The following ARHGAP39 variants were observed in gnomAD, a reference collection of about 807,000 sequenced individuals.
The protein encoded by ARHGAP39 is Rho GTPase activating protein 39.
In ARHGAP39, 44 loss-of-function variants were observed where a neutral mutation model predicts 106.9. The ratio of observed to expected loss-of-function variants is 0.41; its 90% CI spans 0.32 to 0.53. ARHGAP39 has a LOEUF of 0.53. Ranked by LOEUF, ARHGAP39 falls within the 20% of genes least tolerant of loss-of-function variation. The probability of loss-of-function intolerance (pLI) is 0.21; values close to 1 mark genes in which losing one functional copy is unlikely to be tolerated. For synonymous variants in ARHGAP39, 768 were observed against 693.2 expected (o/e 1.11, Z -1.69); for missense variants, 1,496 against 1,577.3 (o/e 0.95, Z 0.87).
At chr8:144,673,736 G>A (rs762134412) in intron 1 of ARHGAP39, among the ~76,000 whole-genome samples, 12 of 152,336 alleles carry the variant, frequency 7.9e-5, no homozygotes, top group Middle Eastern at 6.8e-3. Context: ...CACTCAGGCC[G>A]GCAGACTGCT....
rs758491514 is a variant in ARHGAP39 at position 144,603,181 on chromosome 8, CTG to C, written c.80+2352_80+2353del. On this transcript the variant is annotated intron_variant, in intron 2 of 11. Transcript: ENST00000377307. ...GAGGTGTGTGTGCGAGCTCATGTAC[CTG>C]TGTGTGTGCGTGGAGGCGTGTGTGT... 6.6e-4 allele frequency among the ~76,000 whole-genome samples: 66 copies of C among 100,374 alleles called. 1 individual carries two copies. The East Asian group carries it at 0.011, about 17-fold the overall frequency. 65.8% of individuals were successfully genotyped at this position (100,374 alleles called of 152,430 possible).
intron 3 of ARHGAP39, 116 bp from the exon 4 acceptor site, chr8:144,555,759 G>C: frequency 1.1e-6 from 1 of 875,550 alleles, no homozygotes; most frequent in Non-Finnish European, 1.9e-6. Flanking sequence ...AAATAACCTG[G>C]CTCCTGCCCC....
chr8:144,643,770 A>C (rs958987587), intron 1 of ARHGAP39, among the ~76,000 whole-genome samples: 1 of 152,214 alleles, frequency 6.6e-6, no homozygotes, highest in African/African-American at 2.4e-5. Flanking sequence ...TACTGGGATT[A>C]CATGCGTAAC....
chr8:144,686,542 G>A (rs1822594373), upstream of ARHGAP39, among the ~76,000 whole-genome samples: 1 of 152,112 alleles, frequency 6.6e-6, no homozygotes, highest in South Asian at 2.1e-4. Context: ...ACATTCCCTG[G>A]GTCCTCAACT....
chr8:144,549,461 C>G (rs903567824), intron 4 of ARHGAP39, among the ~76,000 whole-genome samples: 3 of 152,204 alleles, frequency 2.0e-5, no homozygotes, highest in African/African-American at 7.2e-5. Context: ...TTCTGGAAAT[C>G]TAATTGCAGT....
At chr8:144,619,408 G>A (rs1259882158) in intron 1 of ARHGAP39, among the ~76,000 whole-genome samples, 4 of 151,236 alleles carry the variant, frequency 2.6e-5, no homozygotes, top group Non-Finnish European at 5.9e-5. Context: ...GTGCGTGTGC[G>A]CCCGTGTGCG....
chr8:144,544,672 G>A (rs116363770), intron 6 of ARHGAP39, among the ~76,000 whole-genome samples: 1,597 of 152,322 alleles, frequency 0.01, 32 homozygotes, highest in African/African-American at 0.037. Context: ...GGCCTCCCAC[G>A]CTGCCCCAGG....
intron 1 of ARHGAP39, among the ~76,000 whole-genome samples, chr8:144,619,207 G>C (rs954276723): frequency 6.6e-6 from 1 of 152,240 alleles, no homozygotes; most frequent in Non-Finnish European, 1.5e-5. Context: ...GATGCTCTGT[G>C]CCAGCTCCAG....
intron 7 of ARHGAP39, 135 bp downstream of exon 7, chr8:144,537,586 G>T: frequency 1.3e-6 from 1 of 780,070 alleles, no homozygotes; most frequent in Non-Finnish European, 2.0e-6. Flanking sequence ...GCTCGCTCAG[G>T]AGGCCACAGG....
At chr8:144,555,690 T>C in intron 3 of ARHGAP39, 47 bp from the exon 4 acceptor site, 1 of 1,535,442 alleles carries the variant, frequency 6.5e-7, no homozygotes, top group Non-Finnish European at 9.0e-7. Flanking sequence ...GTGCAATCGT[T>C]TACCATAACC....
At chr8:144,602,561 C>G (rs541710251) in intron 2 of ARHGAP39, among the ~76,000 whole-genome samples, 1 of 99,422 alleles carries the variant, frequency 1.0e-5, no homozygotes, top group African/African-American at 4.0e-5. Flanking sequence ...GGCGTGCGTG[C>G]GAGCTCGTGT....
chr8:144,549,142 C>T (rs750656663), intron 4 of ARHGAP39, among the ~76,000 whole-genome samples: 1 of 152,276 alleles, frequency 6.6e-6, no homozygotes, highest in Non-Finnish European at 1.5e-5. Flanking sequence ...CCCACTCACT[C>T]ATCCGCAACG....
chr8:144,552,471 T>C (rs28406344), intron 4 of ARHGAP39, among the ~76,000 whole-genome samples: 1 of 152,212 alleles, frequency 6.6e-6, no homozygotes, highest in Non-Finnish European at 1.5e-5. Context: ...CAGACACAGT[T>C]ATACTCACAC....
intron 3 of ARHGAP39, among the ~76,000 whole-genome samples, chr8:144,573,954 CTTGAGACCAAGAGT>C (rs1818674143): frequency 6.6e-6 from 1 of 152,130 alleles, no homozygotes; most frequent in Admixed American, 6.6e-5. Context: ...AGGCAGATCA[CTTGAGACCAAGAGT>C]TTGAGACCAG....
At chr8:144,575,915 TC>T (rs1818755798) in intron 3 of ARHGAP39, among the ~76,000 whole-genome samples, 1 of 152,210 alleles carries the variant, frequency 6.6e-6, no homozygotes, top group South Asian at 2.1e-4. Context: ...TCCATTATAA[TC>T]TATGAGACCA....
rs940357520 is a variant in ARHGAP39 at position 144,545,762 on chromosome 8, G to A, written c.2008C>T (p.Arg670Cys). The A allele has an allele frequency of 4.4e-6, 7 of 1,602,378 alleles. No individual in the cohort carries two copies. Among genetic ancestry groups the A allele is most frequent in the Admixed American group, 3.4e-5 (2 of 59,694 alleles). The change falls in exon 6 of 12, where the codon CGC becomes TGC. Residue 670 changes from arginine (R) to cysteine (C), a missense_variant. Physicochemically the swap from Arg to Cys is radical, Grantham distance 180. This residue lies in a region of ARHGAP39 where 905 missense variants were observed against 816.4 expected (regional missense o/e 1.11). Coordinates refer to ENST00000377307, the MANE Select transcript of ARHGAP39 (RefSeq NM_025251.3). ...CAQFESSRQS[R>C]SGVPSSSCVF... Reference sequence around the variant, plus strand: ...CAGCTGGAGCTGGGAACGCCGCTGCGGCTCTGCCGGCTGCTCTCGAACTGG... The same window carrying A: ...CAGCTGGAGCTGGGAACGCCGCTGCAGCTCTGCCGGCTGCTCTCGAACTGG...
At chr8:144,631,683 T>G (rs1821065698) in intron 1 of ARHGAP39, among the ~76,000 whole-genome samples, 1 of 152,242 alleles carries the variant, frequency 6.6e-6, no homozygotes, top group Admixed American at 6.5e-5. Flanking sequence ...TAAGCACCTC[T>G]GGGTCTCCCT....
chr8:144,668,451 CAT>C (rs1822017580), intron 1 of ARHGAP39, among the ~76,000 whole-genome samples: 1 of 151,870 alleles, frequency 6.6e-6, no homozygotes, highest in Non-Finnish European at 1.5e-5. Flanking sequence ...CAAAACAAAA[CAT>C]AACAAAAAAT....
intron 1 of ARHGAP39, among the ~76,000 whole-genome samples, chr8:144,619,624 CTG>C (rs1273521024): frequency 2.7e-5 from 4 of 146,666 alleles, no homozygotes; most frequent in African/African-American, 5.2e-5. Context: ...GTGTGTGAGC[CTG>C]TGTGTCCAAG....
Sources: gnomAD v4.1 joint callset for allele counts (sites outside exome capture counted in the v4.1 genomes callset) on GRCh38, gnomAD v4.1.1 for gene constraint, gnomAD v4.1.1 regional missense constraint, MANE v1.5 for transcripts, NCBI Gene and HGNC (gene_info 2026-07-23, HGNC 2026-07-21) for gene names.